The following AGPS variants were observed in gnomAD, a reference collection of about 807,000 sequenced individuals.
AGPS encodes alkylglycerone phosphate synthase.
A neutral mutation model predicts 90.7 loss-of-function variants in AGPS; 26 were observed. That is an observed-to-expected ratio of 0.29 (90% confidence interval 0.21 to 0.40). AGPS has a LOEUF of 0.40. Ranked by LOEUF, AGPS falls within the 10% of genes least tolerant of loss-of-function variation. AGPS has a pLI of 1.00. For synonymous variants in AGPS, 294 were observed against 285.3 expected (o/e 1.03, Z -0.31); for missense variants, 540 against 816.1 (o/e 0.66, Z 4.12).
chr2:177,498,629 A>T (rs999909381), intron 13 of AGPS, among the ~76,000 whole-genome samples: 19 of 142,632 alleles, frequency 1.3e-4, no homozygotes, highest in East Asian at 2.1e-4. Flanking sequence ...ATGAGAATTT[A>T]AAAAAAAAAA....
At chr2:177,429,879 G>T (rs1686188546) in intron 2 of AGPS, among the ~76,000 whole-genome samples, 1 of 152,214 alleles carries the variant, frequency 6.6e-6, no homozygotes, top group Non-Finnish European at 1.5e-5. Context: ...TTCAGAGCCA[G>T]CAGGCTGGAA....
chr2:177,458,612 T>C (rs926424162), intron 8 of AGPS, among the ~76,000 whole-genome samples: 2 of 152,126 alleles, frequency 1.3e-5, no homozygotes, highest in African/African-American at 4.8e-5. Context: ...GAATCCAACT[T>C]ACAAGGGATG....
In AGPS at chr2:177,539,204, G is replaced by C. The variant is rs2079210230; in HGVS notation, c.*1009G>C. 1 of 151,914 alleles carries C rather than the reference G, an allele frequency of 6.6e-6. No individual in the cohort carries two copies. The allele number at this position is 151,914 out of a possible 1,614,324, so 9.4% of individuals were successfully genotyped here. A position where few individuals can be genotyped will look rare whatever the true frequency, so the allele number is the denominator to read the frequency against. ...TGATTTTTTAAAATTAATCCCAATGGCATGATAAATTTTCATATAAAAAGT... is the reference window on the plus strand; with the variant it reads ...TGATTTTTTAAAATTAATCCCAATGCCATGATAAATTTTCATATAAAAAGT... On this transcript the variant is annotated 3_prime_UTR_variant, in exon 20 of 20. Transcript: ENST00000264167.
chr2:177,542,265 T>A lies in AGPS; in HGVS notation c.*4070T>A, dbSNP rs1009174239. 6.6e-6 allele frequency: 1 copy of A among 152,316 alleles called. No individual in the cohort carries two copies. Among genetic ancestry groups the A allele is most frequent in the Non-Finnish European group, 1.5e-5 (1 of 68,020 alleles). The allele number at this position is 152,316 out of a possible 1,614,324, so 9.4% of individuals were successfully genotyped here. ...AGCTGAGGATATTGTTAGCTAGGTTTTGTCAATCCCTAATCATTTTTTAAA... is the reference window on the plus strand; with the variant it reads ...AGCTGAGGATATTGTTAGCTAGGTTATGTCAATCCCTAATCATTTTTTAAA... On this transcript the variant is annotated 3_prime_UTR_variant, in exon 20 of 20. Transcript: ENST00000264167.
chr2:177,506,047 A>T (rs537119251), intron 15 of AGPS, among the ~76,000 whole-genome samples: 2 of 151,908 alleles, frequency 1.3e-5, no homozygotes, highest in Non-Finnish European at 3.0e-5. Flanking sequence ...AAATGTTTCT[A>T]ATTCTAGATT....
In AGPS at chr2:177,416,045, CT is replaced by C. The variant is rs749476816; in HGVS notation, c.261-4220del. Among the ~76,000 whole-genome samples the C allele has an allele frequency of 1.5e-3, 224 of 152,044 alleles. 1 individual carries two copies. The highest frequency in any genetic ancestry group is 2.7e-3 in the Non-Finnish European group (184 of 67,952). On this transcript the variant is annotated intron_variant, in intron 1 of 19. Transcript: ENST00000264167. ...TGAAAGTAGCCAAAATCATTTTTTCCTTTTCCTTATTTTCTAGTGAAAAATA... is the reference window on the plus strand; with the variant it reads ...TGAAAGTAGCCAAAATCATTTTTTCCTTTCCTTATTTTCTAGTGAAAAATA...
chr2:177,418,023 T>C (rs1265756644), intron 1 of AGPS, among the ~76,000 whole-genome samples: 1 of 152,112 alleles, frequency 6.6e-6, no homozygotes, highest in Non-Finnish European at 1.5e-5. Flanking sequence ...TTTAATTGTA[T>C]ATGATTTATG....
At position 177,499,673 on chromosome 2, in the gene AGPS, A is replaced by G. The variant is rs759052412; in HGVS notation, c.1418A>G (p.Asp473Gly). Residue 473 changes from aspartate to glycine, a missense_variant, in exon 14 of 20, where the codon GAT becomes GGT. Asp to Gly is a moderately conservative substitution (Grantham distance 94). Coordinates refer to ENST00000264167, the MANE Select transcript of AGPS (RefSeq NM_003659.4). ...LSVATLLFEG[D>G]REKVLQHEKQ... ...GTAGCCACATTACTGTTTGAGGGGG[A>G]TCGTGAGAAGGTTCTTCAACATGAA... The G allele has an allele frequency of 1.2e-6, 2 of 1,611,558 alleles. No homozygotes were observed. Among genetic ancestry groups the G allele is most frequent in the Non-Finnish European group, 1.7e-6 (2 of 1,178,758 alleles).
In AGPS at chr2:177,392,796, G is replaced by A. The variant is rs1042389328; in HGVS notation, c.7G>A (p.Glu3Lys). Residue 3 changes from glutamate (E) to lysine (K), a missense_variant, in exon 1 of 20, where the codon GAG becomes AAG. Glu to Lys is a moderately conservative substitution (Grantham distance 56). Coordinates refer to ENST00000264167, the MANE Select transcript of AGPS (RefSeq NM_003659.4). ...GCAGCACAAGGCGGTAGCCATGGCG[G>A]AGGCGGCGGCTGCAGCGGGTGGGAC... Reference protein sequence around the residue: MAEAAAAAGGTGL... With the variant: MAKAAAAAGGTGL... 1 of 1,499,708 alleles carries A rather than the reference G, an allele frequency of 6.7e-7. No homozygotes were observed. The highest frequency in any genetic ancestry group is 8.8e-7 in the Non-Finnish European group (1 of 1,137,680). 92.9% of individuals were successfully genotyped at this position (1,499,708 alleles called of 1,614,324 possible). A position where few individuals can be genotyped will look rare whatever the true frequency, so the allele number is the denominator to read the frequency against.
intron 19 of AGPS, among the ~76,000 whole-genome samples, chr2:177,525,823 A>G (rs904050876): frequency 6.6e-6 from 1 of 152,206 alleles, no homozygotes; most frequent in Admixed American, 6.5e-5. Context: ...TTTAGGGTCT[A>G]TGAGGAAATT....
chr2:177,533,216 T>C (rs2105743039), intron 19 of AGPS, among the ~76,000 whole-genome samples: 1 of 152,322 alleles, frequency 6.6e-6, no homozygotes, highest in South Asian at 2.1e-4. Flanking sequence ...ATTTTTCCAT[T>C]GAAGCAATGT....
intron 8 of AGPS, among the ~76,000 whole-genome samples, chr2:177,448,501 T>G (rs1349400317): frequency 6.6e-6 from 1 of 152,154 alleles, no homozygotes; most frequent in Non-Finnish European, 1.5e-5. Flanking sequence ...CATTTCAAAC[T>G]CCGCATTTTA....
chr2:177,489,867 CCT>C lies in AGPS; in HGVS notation c.1234-3277_1234-3276del, dbSNP rs1395460500. Among the ~76,000 whole-genome samples the C allele has an allele frequency of 2.6e-5, 4 of 151,978 alleles. No individual in the cohort carries two copies. In the East Asian group the frequency reaches 7.7e-4, roughly 29 times the overall value. The stretch of plus-strand genomic sequence containing the variant: ...ATCATTAAAATTTGTAAAAATATTC[CCT>C]CTCAGGTTAGTTTTGATCGCTTACC... On this transcript the variant is annotated intron_variant, in intron 11 of 19. Transcript: ENST00000264167.
chr2:177,460,151 A>C (rs4341974), intron 8 of AGPS, among the ~76,000 whole-genome samples: 87,190 of 152,022 alleles, frequency 0.57, 29,403 homozygotes, highest in Non-Finnish European at 0.72. Flanking sequence ...AACATCACAC[A>C]GTGGGGCCTG....
intron 1 of AGPS, among the ~76,000 whole-genome samples, chr2:177,405,698 C>T (rs191313861): frequency 1.6e-4 from 24 of 146,012 alleles, no homozygotes; most frequent in Non-Finnish European, 2.5e-4. Flanking sequence ...TCCCACCTTC[C>T]TGTCTTTCTG....
intron 19 of AGPS, among the ~76,000 whole-genome samples, chr2:177,530,256 G>C (rs1167699988): frequency 6.6e-6 from 1 of 152,098 alleles, no homozygotes; most frequent in Non-Finnish European, 1.5e-5. Flanking sequence ...CACAGTATTG[G>C]CTATGAAATT....
At chr2:177,434,496 C>T (rs1686339136) in intron 3 of AGPS, 79 bp downstream of exon 3, 2 of 1,094,318 alleles carry the variant, frequency 1.8e-6, no homozygotes, top group South Asian at 2.7e-5. Flanking sequence ...CTTTGTAATT[C>T]ATTATATTGG....
chr2:177,456,005 G>A (rs75874791), intron 8 of AGPS, among the ~76,000 whole-genome samples: 2,708 of 152,226 alleles, frequency 0.018, 28 homozygotes, highest in Non-Finnish European at 0.028. Context: ...GTCATATGGG[G>A]CAGAGATGTT....
Position 177,392,929 on chromosome 2 carries a change from G to A in AGPS, c.140G>A (p.Gly47Asp). 1.3e-6 allele frequency: 2 copies of A among 1,550,132 alleles called. No homozygotes were observed. Among genetic ancestry groups the A allele is most frequent in the Non-Finnish European group, 1.7e-6 (2 of 1,146,790 alleles). ...CGGGTTCTCTCTGGCCATCTGCTGG[G>A]CCGGCCCCGGGAGGCTCTGAGTACC... is the stretch of plus-strand genomic sequence containing the variant. ...RLRVLSGHLLGRPREALSTNE... is the reference protein window; with the variant it reads ...RLRVLSGHLLDRPREALSTNE... The change falls in exon 1 of 20, where the codon GGC becomes GAC. Residue 47 changes from glycine (G) to aspartate (D), a missense_variant. Transcript: ENST00000264167.
Sources: allele counts gnomAD v4.1 joint callset (sites outside exome capture counted in the v4.1 genomes callset), GRCh38; gene constraint gnomAD v4.1.1; transcripts MANE v1.5; gene names NCBI Gene and HGNC (gene_info 2026-07-23, HGNC 2026-07-21).